CCDC102A: variants seen among roughly 807,000 people sequenced by gnomAD.
CCDC102A encodes coiled-coil domain-containing protein 102A.
CCDC102A carries 40 observed loss-of-function variants against 55.5 expected under a neutral mutation model. The ratio of observed to expected loss-of-function variants is 0.72; its 90% CI spans 0.56 to 0.94. The LOEUF (loss-of-function observed/expected upper bound fraction) is 0.94, where lower values mean the gene tolerates loss of function less well. Among genes scored for constraint, CCDC102A ranks in the 40% least tolerant of loss-of-function variants. The pLI is 0.00. For missense variants in CCDC102A, 779 were observed against 768.6 expected (o/e 1.01, Z -0.16); for synonymous variants, 323 against 339.0 (o/e 0.95, Z 0.52).
rs777401641 is a variant in CCDC102A at position 57,528,907 on chromosome 16, C to A, written c.271G>T (p.Glu91Ter). 1 of 1,406,038 alleles carries A rather than the reference C, an allele frequency of 7.1e-7. No individual in the cohort carries two copies. Among genetic ancestry groups the A allele is most frequent in the Non-Finnish European group, 9.3e-7 (1 of 1,072,502 alleles). 87.1% of individuals were successfully genotyped at this position (1,406,038 alleles called of 1,614,324 possible). Residue 91 changes from glutamate to a stop codon, truncating the protein, a stop_gained, in exon 2 of 9, where the codon GAG becomes TAG. Coordinates refer to ENST00000258214, the MANE Select transcript of CCDC102A (RefSeq NM_033212.4). LOFTEE classifies it high-confidence loss of function. ...EEARARAAQM[E>*]KTMRRWSDCT... The stretch of plus-strand genomic sequence containing the variant: ...TCCGACCACCGGCGCATGGTCTTCT[C>A]CATCTGCGCCGCCCGCGCCCGCGCC...
intron 4 of CCDC102A, among the ~76,000 whole-genome samples, chr16:57,520,228 C>T (rs1598072726): frequency 6.6e-6 from 1 of 152,230 alleles, no homozygotes; most frequent in Non-Finnish European, 1.5e-5. Flanking sequence ...CCTGGCCCTC[C>T]CTGTTTCCCG....
At chr16:57,531,170 C>T (rs74019541) in intron 1 of CCDC102A, among the ~76,000 whole-genome samples, 118 of 152,168 alleles carry the variant, frequency 7.8e-4, no homozygotes, top group Middle Eastern at 3.4e-3. Context: ...TACCTCCAAC[C>T]GGATGCCTGA....
At position 57,524,911 on chromosome 16, in the gene CCDC102A, G is replaced by C. The variant is rs1162236248; in HGVS notation, c.812+990C>G. Reference sequence around the variant, plus strand: ...TCTTACTGATCACTCTGTCCTCCGGGAAACGGTTTCTTGTGGTTCCCCTTC... The same window carrying C: ...TCTTACTGATCACTCTGTCCTCCGGCAAACGGTTTCTTGTGGTTCCCCTTC... On this transcript the variant is annotated intron_variant, in intron 3 of 8. Transcript: ENST00000258214. Among the ~76,000 whole-genome samples the C allele has an allele frequency of 1.3e-5, 2 of 152,026 alleles. 1 individual carries two copies. The highest frequency in any genetic ancestry group is 2.9e-5 in the Non-Finnish European group (2 of 68,016).
At chr16:57,521,838 G>A (rs2146704745) in intron 3 of CCDC102A, among the ~76,000 whole-genome samples, 1 of 152,314 alleles carries the variant, frequency 6.6e-6, no homozygotes, top group South Asian at 2.1e-4. Flanking sequence ...CCAGCACGCT[G>A]CCCTTCATGA....
chr16:57,523,197 A>G (rs1224595101), intron 3 of CCDC102A, among the ~76,000 whole-genome samples: 2 of 151,884 alleles, frequency 1.3e-5, no homozygotes, highest in African/African-American at 4.8e-5. Context: ...TTTCACTTCT[A>G]CTTTATATTT....
chr16:57,536,147 C>T (rs1311683715), intron 1 of CCDC102A, among the ~76,000 whole-genome samples: 1 of 152,284 alleles, frequency 6.6e-6, no homozygotes, highest in South Asian at 2.1e-4. Flanking sequence ...GTCCATCCCG[C>T]ATTCGCCATG....
intron 7 of CCDC102A, among the ~76,000 whole-genome samples, chr16:57,515,696 T>C (rs953317771): frequency 3.3e-5 from 5 of 151,772 alleles, no homozygotes; most frequent in Non-Finnish European, 7.4e-5. Flanking sequence ...GCCATCCACC[T>C]CCTATCCTTC....
intron 8 of CCDC102A, among the ~76,000 whole-genome samples, chr16:57,514,945 G>A (rs1429161088): frequency 2.0e-5 from 3 of 152,104 alleles, no homozygotes; most frequent in African/African-American, 7.2e-5. Flanking sequence ...CCCTCCACGA[G>A]TCCCTGCTCA....
chr16:57,529,208 T>A lies in CCDC102A; in HGVS notation c.-31A>T, dbSNP rs2032206131. 10 of 1,160,490 alleles carry A rather than the reference T, an allele frequency of 8.6e-6. No homozygotes were observed. Among genetic ancestry groups the A allele is most frequent in the Non-Finnish European group, 9.6e-6 (9 of 941,328 alleles). The allele number at this position is 1,160,490 out of a possible 1,614,324, so 71.9% of individuals were successfully genotyped here. On this transcript the variant is annotated 5_prime_UTR_variant, in exon 2 of 9. Transcript: ENST00000258214. The surrounding 1 kb of genome is among the most constrained non-coding windows in gnomAD (Gnocchi z 4.1). The stretch of plus-strand genomic sequence containing the variant: ...GGCCGGGCGGGCCCTGAGCTCGAAC[T>A]CGCGGTCGGGCTCAGGGGCGGCTCC...
rs770294863 is a variant in CCDC102A at position 57,528,919 on chromosome 16, C to T, written c.259G>A (p.Ala87Thr). ...CGCATGGTCTTCTCCATCTGCGCCG[C>T]CCGCGCCCGCGCCTCCTCCAGCTCC... ...LRELEEARAR[A>T]AQMEKTMRRW... The change falls in exon 2 of 9, where the codon GCG becomes ACG. Residue 87 changes from alanine (A) to threonine (T), a missense_variant. Physicochemically the swap from Ala to Thr is moderately conservative, Grantham distance 58 (BLOSUM62 0). Transcript: ENST00000258214. 7.1e-7 allele frequency: 1 copy of T among 1,399,878 alleles called. No homozygotes were observed. Among genetic ancestry groups the T allele is most frequent in the East Asian group, 3.5e-5 (1 of 28,782 alleles). The allele number at this position is 1,399,878 out of a possible 1,614,324, so 86.7% of individuals were successfully genotyped here.
chr16:57,533,895 T>C (rs1393645816), intron 1 of CCDC102A, among the ~76,000 whole-genome samples: 1 of 152,146 alleles, frequency 6.6e-6, no homozygotes, highest in Admixed American at 6.5e-5. Context: ...ATGGGGTGTC[T>C]ATGTGCGTGG....
intron 2 of CCDC102A, among the ~76,000 whole-genome samples, chr16:57,526,640 T>G (rs1305046070): frequency 6.6e-6 from 1 of 152,130 alleles, no homozygotes; most frequent in African/African-American, 2.4e-5. Flanking sequence ...CTTTCCTTCT[T>G]GCCATCCTGC....
intron 1 of CCDC102A, among the ~76,000 whole-genome samples, chr16:57,534,879 C>G (rs1488504406): frequency 1.3e-5 from 2 of 152,200 alleles, no homozygotes; most frequent in Non-Finnish European, 2.9e-5. Flanking sequence ...CTAATTGACC[C>G]ACTGGGAACA....
intron 1 of CCDC102A, among the ~76,000 whole-genome samples, chr16:57,531,342 C>T (rs1045775555): frequency 6.6e-5 from 10 of 151,876 alleles, no homozygotes; most frequent in Non-Finnish European, 1.3e-4. Context: ...CTGAAATCTG[C>T]CTTCTTTCCT....
rs1471920829 is a variant in CCDC102A, at chr16:57,528,682, C to T, written c.496G>A (p.Val166Ile). Residue 166 changes from valine to isoleucine, a missense_variant, in exon 2 of 9, where the codon GTC becomes ATC. Val to Ile is a conservative substitution (Grantham distance 29). Transcript: ENST00000258214. ...ELARLRGARG[V>I]ADQTRDGPEP... The stretch of plus-strand genomic sequence containing the variant: ...GGGCCGTCGCGCGTCTGGTCGGCGA[C>T]CCCCCGGGCGCCCCTCAGCCGCGCC... The T allele has an allele frequency of 4.4e-6, 5 of 1,126,126 alleles. No individual in the cohort carries two copies. Among genetic ancestry groups the T allele is most frequent in the South Asian group, 5.9e-5 (2 of 34,002 alleles). The allele number at this position is 1,126,126 out of a possible 1,614,324, so 69.8% of individuals were successfully genotyped here. A position where few individuals can be genotyped will look rare whatever the true frequency, so the allele number is the denominator to read the frequency against.
chr16:57,532,531 G>A (rs116141703), intron 1 of CCDC102A, among the ~76,000 whole-genome samples: 2,193 of 152,262 alleles, frequency 0.014, 45 homozygotes, highest in African/African-American at 0.051. Flanking sequence ...AAGACCCAGG[G>A]GCAGACACAC....
Position 57,512,669 on chromosome 16 carries a change from A to C in CCDC102A, c.*72T>G. The C allele has an allele frequency of 6.5e-7, 1 of 1,543,952 alleles. No homozygotes were observed. The highest frequency in any genetic ancestry group is 1.4e-5 in the African/African-American group (1 of 73,030). ...CCAGAGTGAGCCTAGGCACTGCATC[A>C]GTTTGAGTGGCTGGTTAGCCTGGAC... is the stretch of plus-strand genomic sequence containing the variant. On this transcript the variant is annotated 3_prime_UTR_variant, in exon 9 of 9. Transcript: ENST00000258214.
At chr16:57,524,588 T>A (rs937796609) in intron 3 of CCDC102A, among the ~76,000 whole-genome samples, 3 of 127,854 alleles carry the variant, frequency 2.3e-5, no homozygotes, top group Non-Finnish European at 5.0e-5. Flanking sequence ...AAAAAATATA[T>A]ATATATATAG....
intron 4 of CCDC102A, among the ~76,000 whole-genome samples, chr16:57,519,757 G>A (rs2032014510): frequency 6.6e-6 from 1 of 152,210 alleles, no homozygotes; most frequent in Non-Finnish European, 1.5e-5. Context: ...GCCCTGAAAG[G>A]TGCTGATTCA....
Sources: allele counts gnomAD v4.1 joint callset (sites outside exome capture counted in the v4.1 genomes callset), GRCh38; gene constraint gnomAD v4.1.1; non-coding constraint Gnocchi (gnomAD v3.1); transcripts MANE v1.5; gene names NCBI Gene and HGNC (gene_info 2026-07-23, HGNC 2026-07-21).